PLXNA1: variants seen among roughly 807,000 people sequenced by gnomAD.
The protein encoded by PLXNA1 is plexin-A1.
Under a neutral mutation model 191.7 loss-of-function variants are expected in PLXNA1, and 77 were observed. The ratio of observed to expected loss-of-function variants is 0.40; its 90% CI spans 0.33 to 0.49. The LOEUF (loss-of-function observed/expected upper bound fraction) is 0.49, where lower values mean the gene tolerates loss of function less well. Among genes scored for constraint, PLXNA1 ranks in the 20% least tolerant of loss-of-function variants. The pLI is 0.63. For missense variants in PLXNA1, 2,110 were observed against 2,660.2 expected, an observed-to-expected ratio of 0.79 and a Z score of 4.55; for synonymous variants, 1,137 against 1,156.4, an observed-to-expected ratio of 0.98 and a Z score of 0.34.
At chr3:127,028,661 TTGGGG>T (rs1210648165) in intron 25 of PLXNA1, 1 of 517,064 alleles carries the variant, frequency 1.9e-6, no homozygotes, top group African/African-American at 1.9e-5. Context: ...TGGGACGGGT[TTGGGG>T]TGGGGCCCGG....
chr3:127,014,415 C>T (rs1431892748), intron 12 of PLXNA1, 40 bp downstream of exon 12: 2 of 1,571,686 alleles, frequency 1.3e-6, no homozygotes, highest in Middle Eastern at 1.7e-4. Context: ...CATGCCCCGC[C>T]CTGCACCACC....
At chr3:127,009,896 A>G (rs1429102445) in intron 9 of PLXNA1, among the ~76,000 whole-genome samples, 2 of 152,220 alleles carry the variant, frequency 1.3e-5, no homozygotes, top group Non-Finnish European at 2.9e-5. Flanking sequence ...AGCTCATGAG[A>G]CACGCTGAGA....
intron 25 of PLXNA1, among the ~76,000 whole-genome samples, chr3:127,028,559 T>G (rs1363334794): frequency 6.6e-6 from 1 of 151,986 alleles, no homozygotes; most frequent in Non-Finnish European, 1.5e-5. Flanking sequence ...TGGGTTCCAG[T>G]GCACTCTGGG....
intron 3 of PLXNA1, among the ~76,000 whole-genome samples, chr3:126,995,260 C>T (rs1483527685): frequency 6.6e-6 from 1 of 152,188 alleles, no homozygotes; most frequent in Non-Finnish European, 1.5e-5. Flanking sequence ...GCCTCTCCCC[C>T]TGGGGTGCCT....
intron 23 of PLXNA1, among the ~76,000 whole-genome samples, chr3:127,026,155 G>C (rs1045776324): frequency 2.0e-5 from 3 of 152,178 alleles, no homozygotes; most frequent in Non-Finnish European, 4.4e-5. Flanking sequence ...TTGAGGCTGC[G>C]ACAAGAAAAG....
At chr3:127,001,504 C>A (rs1234189895) in intron 3 of PLXNA1, among the ~76,000 whole-genome samples, 1 of 152,174 alleles carries the variant, frequency 6.6e-6, no homozygotes, top group African/African-American at 2.4e-5. Context: ...GGCTTCACAG[C>A]GGGAAGCCGC....
At position 127,004,678 on chromosome 3, in the gene PLXNA1, A is replaced by AC; in HGVS notation, c.1591dup (p.His531ProfsTer18). 6.3e-7 allele frequency: 1 copy of AC among 1,589,068 alleles called. No homozygotes were observed. Among genetic ancestry groups the AC allele is most frequent in the Non-Finnish European group, 8.6e-7 (1 of 1,168,696 alleles). On this transcript the variant is annotated frameshift_variant, in exon 5 of 32. Transcript: ENST00000393409. LOFTEE classifies it high-confidence loss of function. ...TGTGAGCTGTGTCTGGGGTCACGGG[A>AC]CCCCCACTGTGGCTGGTGTGTCCTG...
At position 127,015,320 on chromosome 3, in the gene PLXNA1, G is replaced by T; in HGVS notation, c.3014G>T (p.Trp1005Leu). The change falls in exon 15 of 32, where the codon TGG (tryptophan) becomes TTG (leucine). Residue 1005 changes from tryptophan to leucine, a missense_variant and splice_region_variant. Around this residue, in one of 4 missense-constraint regions of PLXNA1, gnomAD observed 644 missense variants for 714.3 expected, o/e 0.90. Transcript: ENST00000393409. ...SVGGRPCSFS[W>L]RNSREIRCLT... is the part of the protein sequence containing the mutation. ...GGTGGCCGGCCCTGCTCCTTCTCCT[G>T]GTACGGGGTGCAGGTGGGGGTGGGG... The T allele has an allele frequency of 1.2e-6, 2 of 1,601,208 alleles. No individual in the cohort carries two copies. The highest frequency in any genetic ancestry group is 2.2e-5 in the South Asian group (2 of 90,560).
At chr3:127,003,557 C>A (rs2079051459) in intron 4 of PLXNA1, 87 bp downstream of exon 4, 16 of 1,420,508 alleles carry the variant, frequency 1.1e-5, no homozygotes, top group Non-Finnish European at 1.4e-5. Context: ...GGGGTGGGGC[C>A]ACATCACAAG....
chr3:127,018,389 CG>C lies in PLXNA1; in HGVS notation c.3761del (p.Gly1254ValfsTer57). ...CTGCCATTGTGGGCATTGGCGGAGG[CG>C]GGGGTCTCCTGCTGCTGGTCATCGT... ...LPAIVGIGGGGGLLLLVIVAV... is the reference protein window; with the variant it reads ...LPAIVGIGGGXGLLLLVIVAV... On this transcript the variant is annotated frameshift_variant, in exon 20 of 32. Transcript: ENST00000393409. LOFTEE classifies it high-confidence loss of function. 6.2e-7 allele frequency: 1 copy of C among 1,613,028 alleles called. No homozygotes were observed.
chr3:126,984,986 T>C (rs2107618724), intron 1 of PLXNA1, among the ~76,000 whole-genome samples: 1 of 152,246 alleles, frequency 6.6e-6, no homozygotes, highest in South Asian at 2.1e-4. Flanking sequence ...ATGACCCCCG[T>C]TGTGGGGGAG....
intron 1 of PLXNA1, among the ~76,000 whole-genome samples, chr3:126,987,693 T>G (rs558080643): frequency 6.6e-6 from 1 of 150,764 alleles, no homozygotes; most frequent in Non-Finnish European, 1.5e-5. Flanking sequence ...GGTGTGAGGC[T>G]GGGAGCAGGA....
At chr3:126,984,230 C>CTCCGAGGGGCTCCGAG (rs1417602722) in intron 1 of PLXNA1, among the ~76,000 whole-genome samples, 1 of 152,166 alleles carries the variant, frequency 6.6e-6, no homozygotes, top group Non-Finnish European at 1.5e-5. Flanking sequence ...GGGGCGGCCC[C>CTCCGAGGGGCTCCGAG]GGGCGGCGAT....
intron 1 of PLXNA1, among the ~76,000 whole-genome samples, chr3:126,985,024 C>A (rs1320292587): frequency 1.3e-5 from 2 of 152,210 alleles, no homozygotes; most frequent in Admixed American, 6.5e-5. Context: ...GCTGTCTTCC[C>A]CCCCGGCTGC....
chr3:127,022,758 G>A lies in PLXNA1; in HGVS notation c.4302G>A (p.Glu1434=). The change falls in exon 23 of 32, where the codon GAG becomes GAA. Residue 1434 remains glutamate, a synonymous_variant. Coordinates refer to ENST00000393409, the MANE Select transcript of PLXNA1 (RefSeq NM_032242.4). ...CATATTCTGTGCTCCCCAGGACTGA[G>A]TCGGTGGCAGAGAAGATGCTAACTA... ...NHPKLLLRRT[E]SVAEKMLTNW... 6.2e-7 allele frequency: 1 copy of A among 1,613,978 alleles called. No individual in the cohort carries two copies. The highest frequency in any genetic ancestry group is 8.5e-7 in the Non-Finnish European group (1 of 1,179,914).
At chr3:126,983,335 G>T (rs939838836) in intron 1 of PLXNA1, among the ~76,000 whole-genome samples, 48 bp downstream of exon 1, 5 of 144,980 alleles carry the variant, frequency 3.4e-5, no homozygotes, top group Admixed American at 3.4e-4. Flanking sequence ...GTGGGCGGGG[G>T]CCGGGCCGGG....
chr3:127,012,067 G>A lies in PLXNA1; in HGVS notation c.2222G>A (p.Gly741Glu), dbSNP rs1422477758. 1 of 1,613,722 alleles carries A rather than the reference G, an allele frequency of 6.2e-7. No homozygotes were observed. The highest frequency in any genetic ancestry group is 1.3e-5 in the African/African-American group (1 of 74,952). ...CCACAGCCACAGTCAGGCCAGCGTG[G>A]ATATGAGTGCCTCTTCCACATCCCG... ...NLPQPQSGQR[G>E]YECLFHIPGS... The change falls in exon 10 of 32, where the codon GGA (glycine) becomes GAA (glutamate). Residue 741 changes from glycine to glutamate, a missense_variant. By Grantham distance (98) the Gly-to-Glu change is moderately conservative (BLOSUM62 -2). Transcript: ENST00000393409.
At chr3:127,017,131 A>G in intron 17 of PLXNA1, 94 bp downstream of exon 17, 1 of 1,195,234 alleles carries the variant, frequency 8.4e-7, no homozygotes. Flanking sequence ...CCCTGCCCCT[A>G]CCCCTGCCCC....
intron 1 of PLXNA1, among the ~76,000 whole-genome samples, chr3:126,983,846 C>T (rs1465482153): frequency 6.6e-6 from 1 of 151,904 alleles, no homozygotes; most frequent in African/African-American, 2.4e-5. Flanking sequence ...CCGCGGGGGC[C>T]GGAGGAGGTC....
Sources: gnomAD v4.1 joint callset for allele counts (sites outside exome capture counted in the v4.1 genomes callset) on GRCh38, gnomAD v4.1.1 for gene constraint, gnomAD v4.1.1 regional missense constraint, MANE v1.5 for transcripts, NCBI Gene and HGNC (gene_info 2026-07-23, HGNC 2026-07-21) for gene names.